The following OR56A3 variants were observed in gnomAD, a reference collection of about 807,000 sequenced individuals.
OR56A3 encodes the protein olfactory receptor family 56 subfamily A member 3, also known as olfactory receptor 56A3.
A neutral mutation model predicts 17.5 loss-of-function variants in OR56A3; 23 were observed. The ratio of observed to expected loss-of-function variants is 1.32; its 90% CI spans 0.95 to 1.87. OR56A3 has a LOEUF of 1.87. Ranked by LOEUF, OR56A3 falls within the 40% of genes most tolerant of loss-of-function variation. OR56A3 has a pLI of 0.00. For synonymous variants in OR56A3, 175 were observed against 150.6 expected (o/e 1.16, Z -1.19); for missense variants, 366 against 380.1 (o/e 0.96, Z 0.31).
At chr11:5,985,850 G>T in the OR56A3 span, 1 of 1,220,084 alleles carries the variant, frequency 8.2e-7, no homozygotes, top group Non-Finnish European at 1.1e-6. Flanking sequence ...CTGCAAAATG[G>T]TCTGTATTCA....
intron 2 of OR56A3, 106 bp from the exon 3 acceptor site, chr11:5,947,205 G>GCT (rs2134362529): frequency 1.4e-6 from 1 of 715,376 alleles, no homozygotes; most frequent in East Asian, 2.7e-5. Context: ...AATTCGCTTG[G>GCT]CTCTACATAA....
At chr11:5,974,959 C>T in the OR56A3 span, among the ~76,000 whole-genome samples, 1 of 152,170 alleles carries the variant, frequency 6.6e-6, no homozygotes, top group East Asian at 1.9e-4. Context: ...TTTGTGTCCT[C>T]CACTTTTCTT....
the OR56A3 span, among the ~76,000 whole-genome samples, chr11:6,016,061 AG>A: frequency 1.3e-5 from 2 of 152,106 alleles, no homozygotes; most frequent in Non-Finnish European, 2.9e-5. Flanking sequence ...ACCTAGTGAG[AG>A]GTGATTGAAT....
the OR56A3 span, among the ~76,000 whole-genome samples, chr11:5,989,075 G>A: frequency 6.6e-6 from 1 of 152,170 alleles, no homozygotes. Context: ...AATGCCACGT[G>A]GGCATATATC....
At chr11:5,992,918 G>A in the OR56A3 span, among the ~76,000 whole-genome samples, 12 of 152,126 alleles carry the variant, frequency 7.9e-5, no homozygotes, top group Non-Finnish European at 1.3e-4. Flanking sequence ...ACCAATTCCA[G>A]GTAGTCTATT....
chr11:5,993,959 C>T, the OR56A3 span: 6 of 443,806 alleles, frequency 1.4e-5, no homozygotes, highest in East Asian at 6.5e-5. Flanking sequence ...TTGAATGGTT[C>T]GCATGGAGTT....
Position 5,947,655 on chromosome 11 carries a change from C to T in OR56A3, c.309C>T (p.Leu103=). The T allele has an allele frequency of 6.2e-7, 1 of 1,614,180 alleles. No homozygotes were observed. Among genetic ancestry groups the T allele is most frequent in the Non-Finnish European group, 8.5e-7 (1 of 1,180,044 alleles). Residue 103 remains leucine, a synonymous_variant, in exon 3 of 3, where the codon CTC becomes CTT. Coordinates refer to ENST00000641160, the MANE Select transcript of OR56A3 (RefSeq NM_001003443.3). ...LRPISFPACF[L]QMYIMNCFLA... ...CCATCAGCTTCCCTGCCTGCTTCCT[C>T]CAGATGTACATCATGAATTGTTTCC...
the OR56A3 span, chr11:6,019,930 G>A: frequency 6.6e-6 from 1 of 152,078 alleles, no homozygotes; most frequent in Non-Finnish European, 1.5e-5. Context: ...TACTTTTCCA[G>A]GGATAAGCAT....
At chr11:5,994,539 C>A in the OR56A3 span, 2 of 953,580 alleles carry the variant, frequency 2.1e-6, no homozygotes, top group Admixed American at 1.7e-5. Flanking sequence ...AAGAGCAGCT[C>A]CTCCTTGAGA....
At chr11:5,958,236 C>T in the OR56A3 span, among the ~76,000 whole-genome samples, 3 of 152,170 alleles carry the variant, frequency 2.0e-5, no homozygotes, top group African/African-American at 7.2e-5. Context: ...CTGTCAACAT[C>T]TGATATGAGG....
the OR56A3 span, among the ~76,000 whole-genome samples, chr11:5,969,414 G>T: frequency 6.6e-6 from 1 of 152,110 alleles, no homozygotes; most frequent in African/African-American, 2.4e-5. Flanking sequence ...TCAGATGCAA[G>T]TCCTCTACTT....
chr11:5,944,138 T>C (rs1466218907), intron 1 of OR56A3, among the ~76,000 whole-genome samples: 1 of 152,178 alleles, frequency 6.6e-6, no homozygotes, highest in Non-Finnish European at 1.5e-5. Flanking sequence ...GGACCTCCTG[T>C]AACTCCAGTA....
the OR56A3 span, chr11:6,002,698 C>A: frequency 1.8e-4 from 286 of 1,614,078 alleles, no homozygotes; most frequent in Admixed American, 3.8e-4. Flanking sequence ...AGGAAGCAGG[C>A]TGGGAAGCTG....
chr11:6,002,390 G>T, the OR56A3 span: 1 of 1,614,212 alleles, frequency 6.2e-7, no homozygotes, highest in South Asian at 1.1e-5. Flanking sequence ...CCACAAACTG[G>T]TAGAGCTGAT....
At chr11:5,973,788 T>G in the OR56A3 span, among the ~76,000 whole-genome samples, 1 of 152,232 alleles carries the variant, frequency 6.6e-6, no homozygotes, top group Admixed American at 6.5e-5. Flanking sequence ...TGAAATGACT[T>G]CCTGGCTTCC....
At chr11:6,016,972 C>A in the OR56A3 span, 6 of 151,310 alleles carry the variant, frequency 4.0e-5, no homozygotes, top group African/African-American at 1.5e-4. Context: ...TCAGTCAGAC[C>A]AAAAAAAATA....
At chr11:6,007,324 T>C in the OR56A3 span, among the ~76,000 whole-genome samples, 1 of 152,140 alleles carries the variant, frequency 6.6e-6, no homozygotes, top group African/African-American at 2.4e-5. Context: ...AATGGAGAGA[T>C]GTTTGTCAAA....
At chr11:5,976,251 A>T in the OR56A3 span, among the ~76,000 whole-genome samples, 2 of 151,986 alleles carry the variant, frequency 1.3e-5, no homozygotes, top group Admixed American at 6.6e-5. Context: ...AAGGAAAAGA[A>T]AAGGAACTTT....
chr11:6,007,590 AGAAAG>A, the OR56A3 span, among the ~76,000 whole-genome samples: 2 of 152,158 alleles, frequency 1.3e-5, no homozygotes, highest in Non-Finnish European at 2.9e-5. Context: ...TTTAAAAATA[AGAAAG>A]GAAAGATAGG....
Sources: gnomAD v4.1 joint callset for allele counts (sites outside exome capture counted in the v4.1 genomes callset) on GRCh38, gnomAD v4.1.1 for gene constraint, MANE v1.5 for transcripts, NCBI Gene and HGNC (gene_info 2026-07-23, HGNC 2026-07-21) for gene names.